The following FHIT variants were observed in gnomAD, a reference collection of about 807,000 sequenced individuals.
FHIT encodes bis(5'-adenosyl)-triphosphatase.
Under a neutral mutation model 17.9 loss-of-function variants are expected in FHIT, and 19 were observed. The observed-to-expected ratio is 1.06, with a 90% CI of 0.74 to 1.56. The LOEUF is 1.56. Among genes scored for constraint, FHIT ranks in the 40% most tolerant of loss-of-function variants. FHIT has a pLI of 0.00. For synonymous variants in FHIT, 81 were observed against 69.7 expected (o/e 1.16, Z -0.81); for missense variants, 248 against 189.2 (o/e 1.31, Z -1.82).
intron 7 of FHIT, among the ~76,000 whole-genome samples, chr3:59,998,225 G>T (rs781636754): frequency 6.6e-6 from 1 of 152,160 alleles, no homozygotes; most frequent in African/African-American, 2.4e-5. Flanking sequence ...TGAGGCCAGG[G>T]CCGCAGATGA....
At chr3:60,657,825 C>T (rs557025794) in intron 4 of FHIT, among the ~76,000 whole-genome samples, 22 of 152,238 alleles carry the variant, frequency 1.4e-4, no homozygotes, top group African/African-American at 5.1e-4. Flanking sequence ...AATCACATGG[C>T]CTGCCTTTAG....
chr3:61,095,498 C>A (rs1359778808), intron 2 of FHIT, among the ~76,000 whole-genome samples: 1 of 152,116 alleles, frequency 6.6e-6, no homozygotes, highest in Non-Finnish European at 1.5e-5. Context: ...GCACAGGTAA[C>A]CCAAATAAAG....
chr3:60,565,158 G>A (rs7634073), intron 4 of FHIT, among the ~76,000 whole-genome samples: 35,071 of 152,050 alleles, frequency 0.23, 4,299 homozygotes, highest in African/African-American at 0.31. Flanking sequence ...TAGGAATAAT[G>A]ATATTGCATA....
At chr3:60,622,552 C>A (rs116487506) in intron 4 of FHIT, among the ~76,000 whole-genome samples, 3 of 152,236 alleles carry the variant, frequency 2.0e-5, no homozygotes, top group East Asian at 3.9e-4. Flanking sequence ...GGAAAAGGAG[C>A]TTTTGAGTGG....
intron 3 of FHIT, among the ~76,000 whole-genome samples, chr3:60,957,909 C>G (rs1163614304): frequency 6.6e-6 from 1 of 152,224 alleles, no homozygotes; most frequent in Non-Finnish European, 1.5e-5. Context: ...GTTCTTAACA[C>G]CTGTTTGTTA....
At chr3:60,510,709 C>G (rs2034918425) in intron 5 of FHIT, among the ~76,000 whole-genome samples, 6 of 151,634 alleles carry the variant, frequency 4.0e-5, no homozygotes, top group Admixed American at 3.9e-4. Context: ...AACCTGCTCC[C>G]CCACCTCCCC....
chr3:59,923,090 T>G (rs1473130036), intron 7 of FHIT, among the ~76,000 whole-genome samples: 10 of 151,760 alleles, frequency 6.6e-5, no homozygotes, highest in African/African-American at 1.9e-4. Flanking sequence ...AAACTCCGTC[T>G]CTACTAAAAC....
At chr3:60,413,828 C>G (rs531345422) in intron 5 of FHIT, among the ~76,000 whole-genome samples, 14 of 152,318 alleles carry the variant, frequency 9.2e-5, no homozygotes, top group African/African-American at 3.4e-4. Context: ...TATTAACAGA[C>G]CATTCACTCA....
chr3:60,420,909 C>T (rs917006859), intron 5 of FHIT, among the ~76,000 whole-genome samples: 3 of 152,010 alleles, frequency 2.0e-5, no homozygotes, highest in African/African-American at 4.8e-5. Flanking sequence ...CACCCCACAT[C>T]GTATTACCAT....
chr3:60,610,537 G>A (rs533327828), intron 4 of FHIT, among the ~76,000 whole-genome samples: 14 of 152,180 alleles, frequency 9.2e-5, no homozygotes, highest in Admixed American at 9.2e-4. Flanking sequence ...AGGTTCCAAA[G>A]CCCTATGTAA....
At chr3:60,223,389 G>A (rs1704049748) in intron 5 of FHIT, among the ~76,000 whole-genome samples, 1 of 152,180 alleles carries the variant, frequency 6.6e-6, no homozygotes, top group South Asian at 2.1e-4. Context: ...ATCCATTCTT[G>A]GAACCGCTGA....
intron 5 of FHIT, among the ~76,000 whole-genome samples, chr3:60,241,506 A>G (rs1301238644): frequency 1.3e-5 from 2 of 152,150 alleles, no homozygotes; most frequent in South Asian, 2.1e-4. Flanking sequence ...AAATATTTCT[A>G]TGTAAAGGTA....
chr3:61,057,985 T>A (rs531791227), intron 2 of FHIT, among the ~76,000 whole-genome samples: 2 of 151,960 alleles, frequency 1.3e-5, no homozygotes, highest in Admixed American at 6.6e-5. Flanking sequence ...GAAATCAAAC[T>A]GGGTAGAGTT....
At chr3:60,746,328 G>A (rs782694008) in intron 4 of FHIT, among the ~76,000 whole-genome samples, 56 of 152,318 alleles carry the variant, frequency 3.7e-4, no homozygotes, top group Middle Eastern at 3.4e-3. Context: ...ATTTGGGAGA[G>A]ATAATTGAAG....
chr3:60,222,482 G>C (rs1704006625), intron 5 of FHIT, among the ~76,000 whole-genome samples: 1 of 152,052 alleles, frequency 6.6e-6, no homozygotes, highest in Non-Finnish European at 1.5e-5. Flanking sequence ...ATTAATTGTG[G>C]TTCTTGCCAT....
At chr3:61,100,171 A>G (rs2035772067) in intron 2 of FHIT, among the ~76,000 whole-genome samples, 1 of 152,044 alleles carries the variant, frequency 6.6e-6, no homozygotes, top group South Asian at 2.1e-4. Flanking sequence ...TCAACTCATC[A>G]TGTACATTAG....
At chr3:61,243,759 C>A (rs747738148) in intron 1 of FHIT, among the ~76,000 whole-genome samples, 4 of 151,846 alleles carry the variant, frequency 2.6e-5, no homozygotes, top group Non-Finnish European at 5.9e-5. Context: ...AAGTACAGGA[C>A]GAGAAACACA....
chr3:60,578,238 A>G (rs2107675209), intron 4 of FHIT, among the ~76,000 whole-genome samples: 1 of 152,182 alleles, frequency 6.6e-6, no homozygotes, highest in East Asian at 1.9e-4. Flanking sequence ...AGATATTGAG[A>G]CCATCCTGGC....
intron 5 of FHIT, among the ~76,000 whole-genome samples, chr3:60,097,903 C>T (rs1461061056): frequency 7.1e-6 from 1 of 140,336 alleles, no homozygotes; most frequent in South Asian, 2.4e-4. Flanking sequence ...TGTGATGTTC[C>T]CCTTCCTGTG....
Sources: allele counts gnomAD v4.1 joint callset (sites outside exome capture counted in the v4.1 genomes callset), GRCh38; gene constraint gnomAD v4.1.1; transcripts MANE v1.5; gene names NCBI Gene and HGNC (gene_info 2026-07-23, HGNC 2026-07-21).